PCDH11X: variants seen among roughly 807,000 people sequenced by gnomAD.
PCDH11X encodes the protein protocadherin 11 X-linked, also known as protocadherin-11 X-linked.
PCDH11X carries 18 observed loss-of-function variants against 53.3 expected under a neutral mutation model. That is an observed-to-expected ratio of 0.34 (90% CI 0.23 to 0.50). The LOEUF (loss-of-function observed/expected upper bound fraction) is 0.50. PCDH11X is among the 20% of genes least tolerant of loss of function. PCDH11X has a pLI of 0.98. For missense variants in PCDH11X, 570 were observed against 1,032.4 expected (o/e 0.55, Z 6.14); for synonymous variants, 279 against 393.3 (o/e 0.71, Z 3.44).
intron 6 of PCDH11X, among the ~76,000 whole-genome samples, chrX:92,063,821 G>A (rs886474560): frequency 4.5e-5 from 5 of 110,480 alleles, no homozygotes; most frequent in East Asian, 2.9e-4. Flanking sequence ...GGGCACCAAG[G>A]CTCAGCTCAG....
chrX:92,536,651 G>C (rs777093639), intron 10 of PCDH11X, among the ~76,000 whole-genome samples: 17 of 74,232 alleles, frequency 2.3e-4, no homozygotes, highest in African/African-American at 7.0e-4. Context: ...TTGGATAAAA[G>C]CCTTTTTTTT....
intron 8 of PCDH11X, among the ~76,000 whole-genome samples, chrX:92,321,219 G>C (rs1035781871): frequency 3.2e-5 from 3 of 94,388 alleles, no homozygotes; most frequent in Non-Finnish European, 4.1e-5. Flanking sequence ...TTGAGATGGA[G>C]TCTCGCTCTG....
At chrX:91,849,734 G>T (rs1172457015) in intron 5 of PCDH11X, among the ~76,000 whole-genome samples, 4 of 107,333 alleles carry the variant, frequency 3.7e-5, no homozygotes, top group Non-Finnish European at 5.8e-5. Flanking sequence ...TAACTTCAAA[G>T]TCTATTACCT....
chrX:91,903,008 A>G (rs909901912), intron 6 of PCDH11X, among the ~76,000 whole-genome samples: 3 of 112,008 alleles, frequency 2.7e-5, no homozygotes, highest in Non-Finnish European at 5.6e-5. Flanking sequence ...TTCATACTAC[A>G]GGTACTATTT....
At chrX:92,285,606 G>A (rs1329943637) in intron 8 of PCDH11X, among the ~76,000 whole-genome samples, 2 of 111,084 alleles carry the variant, frequency 1.8e-5, no homozygotes, top group Non-Finnish European at 3.8e-5. Context: ...AATAACATAT[G>A]TGCTTTAGGT....
intron 5 of PCDH11X, among the ~76,000 whole-genome samples, chrX:91,841,663 G>T (rs1937522688): frequency 9.0e-6 from 1 of 111,177 alleles, no homozygotes; most frequent in African/African-American, 3.3e-5. Context: ...ATGAAAACAT[G>T]AGGTTGTATT....
intron 9 of PCDH11X, among the ~76,000 whole-genome samples, chrX:92,411,487 T>A (rs1228514981): frequency 1.8e-5 from 2 of 108,856 alleles, no homozygotes; most frequent in Admixed American, 9.9e-5. Context: ...GTCCATGTGT[T>A]CTCATTGTTC....
At chrX:92,199,599 G>T (rs1324016704) in intron 6 of PCDH11X, among the ~76,000 whole-genome samples, 1 of 110,356 alleles carries the variant, frequency 9.1e-6, no homozygotes, top group African/African-American at 3.3e-5. Flanking sequence ...TTACAGTTAG[G>T]TCTCAGCAGT....
intron 8 of PCDH11X, among the ~76,000 whole-genome samples, chrX:92,335,292 C>T (rs1189677847): frequency 9.0e-6 from 1 of 110,623 alleles, no homozygotes; most frequent in Non-Finnish European, 1.9e-5. Flanking sequence ...CCTCGAGTGA[C>T]TCTTCATCCA....
chrX:92,506,431 G>A (rs1471133433), intron 10 of PCDH11X, among the ~76,000 whole-genome samples: 1 of 98,313 alleles, frequency 1.0e-5, no homozygotes, highest in East Asian at 3.2e-4. Flanking sequence ...AGTTTGTTGA[G>A]GATTTTTTAA....
intron 7 of PCDH11X, among the ~76,000 whole-genome samples, chrX:92,216,832 C>T (rs1321874204): frequency 2.9e-5 from 3 of 103,651 alleles, no homozygotes; most frequent in Non-Finnish European, 3.9e-5. Flanking sequence ...AAGGGAAGCC[C>T]ATCAGACTAA....
chrX:91,913,881 C>T (rs1007409222), intron 6 of PCDH11X, among the ~76,000 whole-genome samples: 7 of 109,841 alleles, frequency 6.4e-5, no homozygotes, highest in Non-Finnish European at 9.5e-5. Flanking sequence ...CTGCAACATC[C>T]TGGCTAACCA....
chrX:92,340,719 G>T (rs1883311082), intron 8 of PCDH11X, among the ~76,000 whole-genome samples: 1 of 112,101 alleles, frequency 8.9e-6, no homozygotes, highest in Admixed American at 9.4e-5. Context: ...TTCCCCCTAG[G>T]CCTCAGGGCC....
At chrX:92,216,665 A>C (rs2148346073) in intron 7 of PCDH11X, among the ~76,000 whole-genome samples, 1 of 76,061 alleles carries the variant, frequency 1.3e-5, no homozygotes, top group East Asian at 4.2e-4. Context: ...CAATCTAGCA[A>C]GGCAGACCAA....
chrX:91,986,785 C>T (rs1240344957), intron 6 of PCDH11X, among the ~76,000 whole-genome samples: 2 of 108,075 alleles, frequency 1.9e-5, no homozygotes, highest in Admixed American at 2.0e-4. Flanking sequence ...CCTTGAGTCT[C>T]TCCATCTCAA....
At chrX:92,167,004 G>A (rs181476717) in intron 6 of PCDH11X, among the ~76,000 whole-genome samples, 192 of 109,117 alleles carry the variant, frequency 1.8e-3, no homozygotes, top group Non-Finnish European at 3.1e-3. Flanking sequence ...TTATCACGTT[G>A]GCAACTCTCC....
Position 91,877,320 on chromosome X carries a change from C to T in PCDH11X, c.1080C>T (p.Ile360=), listed in dbSNP as rs751968718. Residue 360 remains isoleucine, a synonymous_variant, in exon 6 of 11, where the codon ATC becomes ATT. Coordinates refer to ENST00000682573, the MANE Select transcript of PCDH11X (RefSeq NM_032968.5). ...DNVPSIDIRY[I]VNPVNDTVVL... ...TCCCATCCATTGACATAAGATACAT[C>T]GTCAATCCTGTCAATGACACAGTTG... 23 of 1,154,574 alleles carry T rather than the reference C, an allele frequency of 2.0e-5. No individual in the cohort carries two copies. The highest frequency in any genetic ancestry group is 4.6e-5 in the Admixed American group (2 of 43,066).
At chrX:92,014,193 AAAC>A in intron 6 of PCDH11X, among the ~76,000 whole-genome samples, 1 of 66,494 alleles carries the variant, frequency 1.5e-5, no homozygotes, top group Non-Finnish European at 3.7e-5. Context: ...ACAAGAAAAA[AAAC>A]AAACAACCCC....
chrX:92,164,108 T>G (rs2065690821), intron 6 of PCDH11X, among the ~76,000 whole-genome samples: 2 of 112,339 alleles, frequency 1.8e-5, no homozygotes, highest in South Asian at 7.3e-4. Flanking sequence ...AGAATTATCA[T>G]CTGGTTTCCA....
Sources: allele counts gnomAD v4.1 joint callset (sites outside exome capture counted in the v4.1 genomes callset), GRCh38; gene constraint gnomAD v4.1.1; transcripts MANE v1.5; gene names NCBI Gene and HGNC (gene_info 2026-07-23, HGNC 2026-07-21).